Variants in SEC63 observed in about 807,000 individuals in gnomAD.
The protein encoded by SEC63 is SEC63 protein translocation regulator.
Under a neutral mutation model 116.2 loss-of-function variants are expected in SEC63, and 56 were observed. The observed-to-expected ratio is 0.48, with a 90% confidence interval of 0.39 to 0.60. The LOEUF (loss-of-function observed/expected upper bound fraction) is 0.60. Among genes scored for constraint, SEC63 ranks in the 20% least tolerant of loss-of-function variants. The pLI, the probability that SEC63 is intolerant of heterozygous loss-of-function variation, is 0.00. For synonymous variants in SEC63, 273 were observed against 294.6 expected (o/e 0.93, Z 0.75); for missense variants, 668 against 900.0 (o/e 0.74, Z 3.30).
At chr6:107,941,562 A>T (rs947965662) in intron 1 of SEC63, among the ~76,000 whole-genome samples, 3 of 152,186 alleles carry the variant, frequency 2.0e-5, no homozygotes, top group Admixed American at 2.0e-4. Context: ...GAAGAAAAAA[A>T]TCCACCAATC....
chr6:107,928,313 T>C (rs1787721170), intron 2 of SEC63, among the ~76,000 whole-genome samples: 1 of 150,880 alleles, frequency 6.6e-6, no homozygotes, highest in South Asian at 2.1e-4. Flanking sequence ...TGAAACCCCA[T>C]CCCTATAAAA....
At chr6:107,916,881 G>A (rs951097307) in intron 4 of SEC63, among the ~76,000 whole-genome samples, 4 of 152,100 alleles carry the variant, frequency 2.6e-5, no homozygotes, top group Non-Finnish European at 5.9e-5. Flanking sequence ...TATTCCCTGA[G>A]ACACACAAGA....
intron 4 of SEC63, among the ~76,000 whole-genome samples, chr6:107,916,325 T>C (rs1562327831): frequency 6.6e-6 from 1 of 152,222 alleles, no homozygotes; most frequent in African/African-American, 2.4e-5. Flanking sequence ...GCAGAAAATG[T>C]AGTACACACT....
At chr6:107,944,101 T>C (rs903016189) in intron 1 of SEC63, among the ~76,000 whole-genome samples, 1 of 152,178 alleles carries the variant, frequency 6.6e-6, no homozygotes, top group African/African-American at 2.4e-5. Flanking sequence ...AACATACTAG[T>C]AGTCTGAAAG....
intron 1 of SEC63, among the ~76,000 whole-genome samples, chr6:107,946,644 C>A (rs1770486544): frequency 6.6e-6 from 1 of 152,182 alleles, no homozygotes; most frequent in African/African-American, 2.4e-5. Flanking sequence ...GTCTGATACA[C>A]CCCTCTGTCA....
chr6:107,952,312 G>C (rs1055504068), intron 1 of SEC63, among the ~76,000 whole-genome samples: 2 of 152,090 alleles, frequency 1.3e-5, no homozygotes, highest in Non-Finnish European at 2.9e-5. Context: ...TCAAACCGCA[G>C]ACTTTACAAG....
chr6:107,896,119 CT>C (rs1421232195), intron 14 of SEC63, among the ~76,000 whole-genome samples: 3 of 151,878 alleles, frequency 2.0e-5, no homozygotes, highest in Non-Finnish European at 4.4e-5. Flanking sequence ...TGAGCCGAGA[CT>C]GCACCACTGC....
intron 19 of SEC63, among the ~76,000 whole-genome samples, chr6:107,876,117 T>C (rs1489329644): frequency 2.0e-5 from 3 of 152,160 alleles, no homozygotes; most frequent in Non-Finnish European, 4.4e-5. Flanking sequence ...GGTAAATATG[T>C]TCATCACAAT....
chr6:107,948,546 A>C (rs1037065292), intron 1 of SEC63, among the ~76,000 whole-genome samples: 14 of 152,312 alleles, frequency 9.2e-5, no homozygotes, highest in African/African-American at 3.1e-4. Flanking sequence ...ACTTTCCGGG[A>C]AAGGCTTGGA....
At chr6:107,896,442 G>A (rs1786832310) in intron 14 of SEC63, among the ~76,000 whole-genome samples, 1 of 152,064 alleles carries the variant, frequency 6.6e-6, no homozygotes, top group African/African-American at 2.4e-5. Flanking sequence ...TTCCAGCCTG[G>A]GTGACAGAGC....
intron 16 of SEC63, 81 bp downstream of exon 16, chr6:107,893,401 G>A: frequency 1.5e-6 from 2 of 1,378,660 alleles, no homozygotes; most frequent in African/African-American, 1.4e-5. Context: ...TAAAACTTTT[G>A]AAGCTGTACA....
chr6:107,896,508 C>T (rs755061177), intron 14 of SEC63, among the ~76,000 whole-genome samples: 5 of 152,024 alleles, frequency 3.3e-5, no homozygotes, highest in Non-Finnish European at 7.4e-5. Flanking sequence ...AATGATTGGA[C>T]TGGATTTAAC....
chr6:107,875,317 T>C (rs1786237345), intron 19 of SEC63, among the ~76,000 whole-genome samples: 1 of 152,216 alleles, frequency 6.6e-6, no homozygotes, highest in Non-Finnish European at 1.5e-5. Flanking sequence ...AACAGCTAAA[T>C]GTAAACAACT....
chr6:107,887,683 G>T (rs998901722), intron 16 of SEC63, among the ~76,000 whole-genome samples: 1 of 150,772 alleles, frequency 6.6e-6, no homozygotes, highest in Non-Finnish European at 1.5e-5. Flanking sequence ...CACCAGCATG[G>T]CACACGTATA....
intron 1 of SEC63, among the ~76,000 whole-genome samples, chr6:107,930,906 A>C (rs1562334249): frequency 1.3e-5 from 2 of 152,092 alleles, no homozygotes; most frequent in Admixed American, 6.5e-5. Flanking sequence ...GAGGCACAAG[A>C]ATCACTTGAA....
At position 107,924,823 on chromosome 6, in the gene SEC63, C is replaced by G; in HGVS notation, c.334G>C (p.Asp112His). 1 of 1,464,692 alleles carries G rather than the reference C, an allele frequency of 6.8e-7. No individual in the cohort carries two copies. Among genetic ancestry groups the G allele is most frequent in the South Asian group, 1.1e-5 (1 of 87,980 alleles). The allele number at this position is 1,464,692 out of a possible 1,614,324, so 90.7% of individuals were successfully genotyped here. Residue 112 changes from aspartate to histidine, a missense_variant, in exon 3 of 21, where the codon GAT becomes CAT. Asp to His is a moderately conservative substitution (Grantham distance 81, BLOSUM62 -1). Coordinates refer to ENST00000369002, the MANE Select transcript of SEC63 (RefSeq NM_007214.5). ...TATATAAAAATACTACTTACAGGATCCAAATTTAATACTTCATAAGGATTG... is the reference window on the plus strand; with the variant it reads ...TATATAAAAATACTACTTACAGGATGCAAATTTAATACTTCATAAGGATTG... ...EYNPYEVLNLDPGATVAEIKK... is the reference protein window; with the variant it reads ...EYNPYEVLNLHPGATVAEIKK...
chr6:107,946,887 T>G (rs530782905), intron 1 of SEC63, among the ~76,000 whole-genome samples: 61 of 151,998 alleles, frequency 4.0e-4, no homozygotes, highest in African/African-American at 1.5e-3. Context: ...TCCTGTAATC[T>G]CAGCTACTCA....
chr6:107,908,981 T>C lies in SEC63; in HGVS notation c.679A>G (p.Thr227Ala). Reference protein sequence around the residue: ...RYSGDQILIRTTQIYTYFVYK... With the variant: ...RYSGDQILIRATQIYTYFVYK... Reference sequence around the variant, plus strand: ...ACAAAGTATGTATAAATCTGTGTTGTGCGTATTAGAATCTGGTCTCCACTA... The same window carrying C: ...ACAAAGTATGTATAAATCTGTGTTGCGCGTATTAGAATCTGGTCTCCACTA... The change falls in exon 8 of 21, where the codon ACA becomes GCA. Residue 227 changes from threonine to alanine, a missense_variant. Coordinates refer to ENST00000369002, the MANE Select transcript of SEC63 (RefSeq NM_007214.5). 3 of 1,613,618 alleles carry C rather than the reference T, an allele frequency of 1.9e-6. No individual in the cohort carries two copies. The highest frequency in any genetic ancestry group is 2.5e-6 in the Non-Finnish European group (3 of 1,179,632).
intron 10 of SEC63, among the ~76,000 whole-genome samples, chr6:107,905,623 C>A (rs1171737252): frequency 1.3e-5 from 2 of 152,148 alleles, no homozygotes. Context: ...ACTTATGAAG[C>A]TTTAAATAAC....
Sources: gnomAD v4.1 joint callset for allele counts (sites outside exome capture counted in the v4.1 genomes callset) on GRCh38, gnomAD v4.1.1 for gene constraint, MANE v1.5 for transcripts, NCBI Gene and HGNC (gene_info 2026-07-23, HGNC 2026-07-21) for gene names.